The following SNX29 variants were observed in gnomAD, a reference collection of about 807,000 sequenced individuals.
SNX29 encodes sorting nexin 29, also known as sorting nexin-29.
In SNX29, 78 loss-of-function variants were observed where a neutral mutation model predicts 102.1. The observed-to-expected ratio is 0.76, with a 90% CI of 0.64 to 0.92. SNX29 has a LOEUF of 0.92. Ranked by LOEUF, SNX29 falls within the 40% of genes least tolerant of loss-of-function variation. The pLI is 0.00. For missense variants in SNX29, 1,280 were observed against 1,061.7 expected (o/e 1.21, Z -2.86); for synonymous variants, 580 against 414.5 (o/e 1.40, Z -4.85).
chr16:12,378,670 A>T (rs201509062), intron 16 of SNX29, among the ~76,000 whole-genome samples: 3 of 152,200 alleles, frequency 2.0e-5, no homozygotes, highest in African/African-American at 7.2e-5. Flanking sequence ...ATGAATTTCA[A>T]CATGAGGTTT....
rs565683803 is a variant in SNX29 at position 12,022,024 on chromosome 16, T to A, written c.123-5296T>A. On this transcript the variant is annotated intron_variant, in intron 3 of 20. Transcript: ENST00000566228. Reference sequence around the variant, plus strand: ...CAGTTTCAAATGCAGCAGGAGGAAGTTACTTCATTTTCCATTCACAACTCT... The same window carrying A: ...CAGTTTCAAATGCAGCAGGAGGAAGATACTTCATTTTCCATTCACAACTCT... Among the ~76,000 whole-genome samples the A allele has an allele frequency of 1.6e-4, 25 of 151,964 alleles. No individual in the cohort carries two copies. The South Asian group carries it at 2.5e-3, about 15-fold the overall frequency.
intron 20 of SNX29, among the ~76,000 whole-genome samples, chr16:12,562,167 T>G (rs943678012): frequency 3.9e-5 from 6 of 152,134 alleles, no homozygotes; most frequent in Non-Finnish European, 8.8e-5. Flanking sequence ...GGAGTAAGAT[T>G]GAGGTCTGAC....
chr16:12,468,167 TC>T (rs1053094782), intron 18 of SNX29, among the ~76,000 whole-genome samples: 1 of 128,684 alleles, frequency 7.8e-6, no homozygotes. Flanking sequence ...CTACTCTGAC[TC>T]CTTTTTTTTT....
intron 13 of SNX29, among the ~76,000 whole-genome samples, chr16:12,159,986 C>T (rs2055714719): frequency 1.3e-5 from 2 of 152,236 alleles, no homozygotes; most frequent in Admixed American, 6.5e-5. Context: ...CTATTCTTCA[C>T]CTCTCTTGTC....
chr16:12,330,702 G>C (rs2081269234), intron 15 of SNX29, among the ~76,000 whole-genome samples: 1 of 152,202 alleles, frequency 6.6e-6, no homozygotes, highest in Non-Finnish European at 1.5e-5. Context: ...TCCTGGCGGC[G>C]CTTGTGGCAG....
At chr16:12,153,091 T>C (rs1323459656) in intron 13 of SNX29, among the ~76,000 whole-genome samples, 1 of 152,210 alleles carries the variant, frequency 6.6e-6, no homozygotes, top group Admixed American at 6.5e-5. Context: ...CTGTTTTTAG[T>C]CAAGGATAAT....
chr16:12,466,450 C>T (rs986231198), intron 18 of SNX29, among the ~76,000 whole-genome samples: 2 of 152,196 alleles, frequency 1.3e-5, no homozygotes, highest in African/African-American at 4.8e-5. Flanking sequence ...TATACAGCAG[C>T]ATAGTGATCA....
At chr16:12,505,176 T>G (rs2089316118) in intron 19 of SNX29, among the ~76,000 whole-genome samples, 1 of 152,236 alleles carries the variant, frequency 6.6e-6, no homozygotes, top group African/African-American at 2.4e-5. Context: ...AACGTTTATC[T>G]TCTTTATTTC....
chr16:11,989,905 T>C (rs2150984102), intron 1 of SNX29, among the ~76,000 whole-genome samples: 1 of 152,362 alleles, frequency 6.6e-6, no homozygotes, highest in East Asian at 1.9e-4. Flanking sequence ...GTTTTTTCTT[T>C]GGCAGCACTT....
chr16:12,352,509 A>C (rs923264996), intron 15 of SNX29, among the ~76,000 whole-genome samples: 1 of 152,084 alleles, frequency 6.6e-6, no homozygotes, highest in Admixed American at 6.5e-5. Flanking sequence ...TAAAACTTAA[A>C]GTATAAAAAA....
chr16:12,525,711 A>C lies in SNX29; in HGVS notation c.2318+870A>C, dbSNP rs1408200001. ...CACGCCCCCCCCACCCCCCCCCCCA[A>C]AAAAAAGAAAAAATCATTACACTTC... On this transcript the variant is annotated intron_variant, in intron 20 of 20. Transcript: ENST00000566228. 3.4e-4 allele frequency among the ~76,000 whole-genome samples: 20 copies of C among 59,350 alleles called. No individual in the cohort carries two copies. The Admixed American group carries it at 3.8e-3, about 11-fold the overall frequency. The allele number at this position is 59,350 out of a possible 152,430, so 38.9% of individuals were successfully genotyped here.
intron 11 of SNX29, among the ~76,000 whole-genome samples, chr16:12,116,530 C>T (rs541208920): frequency 8.5e-5 from 13 of 152,182 alleles, no homozygotes; most frequent in African/African-American, 1.7e-4. Flanking sequence ...AAAAATTAGC[C>T]GGGTGTGGTG....
At chr16:12,265,933 A>T (rs909980989) in intron 14 of SNX29, among the ~76,000 whole-genome samples, 2 of 152,094 alleles carry the variant, frequency 1.3e-5, no homozygotes, top group Admixed American at 1.3e-4. Flanking sequence ...GCATGAGAAT[A>T]GAAAGTAATT....
At chr16:12,143,538 C>T (rs2054940939) in intron 13 of SNX29, among the ~76,000 whole-genome samples, 2 of 152,164 alleles carry the variant, frequency 1.3e-5, no homozygotes, top group African/African-American at 2.4e-5. Flanking sequence ...GGCCATTTTA[C>T]CTCTCAGGCT....
At chr16:12,116,226 A>G (rs1024369807) in intron 11 of SNX29, among the ~76,000 whole-genome samples, 1 of 152,242 alleles carries the variant, frequency 6.6e-6, no homozygotes, top group Non-Finnish European at 1.5e-5. Context: ...AACTGAAAGT[A>G]GAGACTCAAA....
chr16:12,035,090 G>A (rs1476058749), intron 4 of SNX29, among the ~76,000 whole-genome samples: 3 of 151,944 alleles, frequency 2.0e-5, no homozygotes, highest in African/African-American at 4.8e-5. Context: ...CCTGAGTTCC[G>A]TGGGTCCTTT....
intron 20 of SNX29, among the ~76,000 whole-genome samples, chr16:12,529,455 C>A (rs1038034293): frequency 6.6e-6 from 1 of 152,112 alleles, no homozygotes; most frequent in Admixed American, 6.5e-5. Flanking sequence ...GAGACTGGAC[C>A]GCAAATCGGT....
At chr16:12,287,756 G>C (rs2151048998) in intron 15 of SNX29, among the ~76,000 whole-genome samples, 1 of 152,332 alleles carries the variant, frequency 6.6e-6, no homozygotes, top group South Asian at 2.1e-4. Flanking sequence ...CCCACCTCGT[G>C]ATTGGTGATG....
intron 13 of SNX29, chr16:12,135,552 T>G: frequency 7.5e-7 from 1 of 1,326,674 alleles, no homozygotes; most frequent in Non-Finnish European, 9.9e-7. Flanking sequence ...TGTTGGCAGC[T>G]ATCTTTGCTA....
Sources: allele counts gnomAD v4.1 joint callset (sites outside exome capture counted in the v4.1 genomes callset), GRCh38; gene constraint gnomAD v4.1.1; transcripts MANE v1.5; gene names NCBI Gene and HGNC (gene_info 2026-07-23, HGNC 2026-07-21).